The following GABRA2 variants were observed in gnomAD, a reference collection of about 807,000 sequenced individuals.
The protein encoded by GABRA2 is gamma-aminobutyric acid receptor subunit alpha-2.
GABRA2 carries 16 observed loss-of-function variants against 48.7 expected under a neutral mutation model. That is an observed-to-expected ratio of 0.33 (90% CI 0.22 to 0.50). The LOEUF (loss-of-function observed/expected upper bound fraction) is 0.50. Among genes scored for constraint, GABRA2 ranks in the 20% least tolerant of loss-of-function variants. The pLI, the probability that GABRA2 is intolerant of heterozygous loss-of-function variation, is 0.98. For synonymous variants in GABRA2, 185 were observed against 184.5 expected (o/e 1.00, Z -0.02); for missense variants, 275 against 535.6 (o/e 0.51, Z 4.80).
intron 3 of GABRA2, among the ~76,000 whole-genome samples, chr4:46,360,252 G>C (rs1712951020): frequency 6.6e-6 from 1 of 152,192 alleles, no homozygotes. Flanking sequence ...TAGTTTGGCT[G>C]TTTCCTCACC....
chr4:46,284,346 A>G (rs1378252385), intron 8 of GABRA2, among the ~76,000 whole-genome samples: 2 of 152,326 alleles, frequency 1.3e-5, no homozygotes, highest in African/African-American at 2.4e-5. Context: ...CCTCGAAAGC[A>G]TAACACCTAA....
intron 8 of GABRA2, among the ~76,000 whole-genome samples, chr4:46,284,425 T>C (rs994744513): frequency 7.2e-5 from 11 of 152,222 alleles, no homozygotes; most frequent in Admixed American, 6.5e-4. Context: ...TGAAGGGAGC[T>C]GGGCTTACTT....
intron 8 of GABRA2, among the ~76,000 whole-genome samples, chr4:46,286,264 T>C (rs1047051033): frequency 6.6e-6 from 1 of 152,118 alleles, no homozygotes; most frequent in African/African-American, 2.4e-5. Flanking sequence ...TTCATCCAGG[T>C]TGTAGCATAT....
chr4:46,360,348 GT>G (rs1055531504), intron 3 of GABRA2, among the ~76,000 whole-genome samples: 1 of 152,186 alleles, frequency 6.6e-6, no homozygotes, highest in African/African-American at 2.4e-5. Context: ...ATGAGGGTGG[GT>G]TTTTCCCATG....
At chr4:46,366,865 A>C (rs1461801754) in intron 3 of GABRA2, 1 of 152,076 alleles carries the variant, frequency 6.6e-6, no homozygotes, top group Non-Finnish European at 1.5e-5. Context: ...TATGCTTTTC[A>C]GGCTTTTAAA....
intron 5 of GABRA2, among the ~76,000 whole-genome samples, chr4:46,310,516 A>T (rs1465239326): frequency 6.6e-6 from 1 of 152,200 alleles, no homozygotes; most frequent in Non-Finnish European, 1.5e-5. Context: ...AAGAAATTAC[A>T]TATGCATTTT....
intron 3 of GABRA2, among the ~76,000 whole-genome samples, chr4:46,377,945 G>T (rs1288016993): frequency 6.6e-6 from 1 of 151,404 alleles, no homozygotes; most frequent in East Asian, 2.0e-4. Context: ...GAAGTGAGGA[G>T]CCCCTCTGCC....
In GABRA2 at chr4:46,262,260, G is replaced by T. The variant is rs577514775; in HGVS notation, c.857-132C>A. 28 of 581,068 alleles carry T rather than the reference G, an allele frequency of 4.8e-5. No individual in the cohort carries two copies. In the East Asian group the frequency reaches 7.5e-4, roughly 16 times the overall value. 36.0% of individuals were successfully genotyped at this position (581,068 alleles called of 1,614,324 possible). ...ATCCACTAAATAATAATAAATAAAT[G>T]AATAAATACTGGAATTTATATTAAA... On this transcript the variant is annotated intron_variant, in intron 8 of 9. Transcript: ENST00000381620.
At chr4:46,361,835 T>A (rs1214744739) in intron 3 of GABRA2, among the ~76,000 whole-genome samples, 1 of 152,096 alleles carries the variant, frequency 6.6e-6, no homozygotes, top group South Asian at 2.1e-4. Flanking sequence ...AGACATAGAG[T>A]CAAAGGAGAT....
chr4:46,273,483 GCATATA>G (rs1719799029), intron 8 of GABRA2, among the ~76,000 whole-genome samples: 1 of 16,196 alleles, frequency 6.2e-5, no homozygotes, highest in Non-Finnish European at 1.2e-4. Context: ...ATATATATAT[GCATATA>G]TATATATATA....
In GABRA2 at chr4:46,250,025, A is replaced by G. The variant is rs1714419475; in HGVS notation, c.*283T>C. 6.7e-6 allele frequency: 2 copies of G among 297,722 alleles called. No homozygotes were observed. Among genetic ancestry groups the G allele is most frequent in the Non-Finnish European group, 1.2e-5 (2 of 160,050 alleles). The allele number at this position is 297,722 out of a possible 1,614,324, so 18.4% of individuals were successfully genotyped here. A position where few individuals can be genotyped will look rare whatever the true frequency, so the allele number is the denominator to read the frequency against. ...GGATCCCCATTTTCATCTCATTTGG[A>G]AGAATAGGAAATTAATCAGGTCACT... On this transcript the variant is annotated 3_prime_UTR_variant, in exon 10 of 10. Transcript: ENST00000381620.
chr4:46,270,029 A>G (rs1719024420), intron 8 of GABRA2, among the ~76,000 whole-genome samples: 1 of 151,976 alleles, frequency 6.6e-6, no homozygotes, highest in African/African-American at 2.4e-5. Flanking sequence ...TTACAATAAA[A>G]TGTAAGCCCA....
intron 8 of GABRA2, among the ~76,000 whole-genome samples, chr4:46,279,138 T>G (rs1721041425): frequency 6.6e-6 from 1 of 152,076 alleles, no homozygotes; most frequent in Non-Finnish European, 1.5e-5. Flanking sequence ...GCTAATCAAT[T>G]GCAATGAGTA....
At chr4:46,305,414 TA>T (rs35011150) in intron 7 of GABRA2, among the ~76,000 whole-genome samples, 153 bp downstream of exon 7, 1,736 of 143,548 alleles carry the variant, frequency 0.012, 11 homozygotes, top group African/African-American at 0.018. Context: ...AAAGTATAAT[TA>T]AAAAAAAAAA....
At chr4:46,311,130 C>G (rs923064470) in intron 5 of GABRA2, among the ~76,000 whole-genome samples, 3 of 152,118 alleles carry the variant, frequency 2.0e-5, no homozygotes, top group Non-Finnish European at 2.9e-5. Flanking sequence ...AAGTTTTACT[C>G]ATTGCCTTAG....
At chr4:46,298,190 G>A (rs1725100345) in intron 8 of GABRA2, among the ~76,000 whole-genome samples, 1 of 152,078 alleles carries the variant, frequency 6.6e-6, no homozygotes, top group Non-Finnish European at 1.5e-5. Flanking sequence ...GTTCATTTGA[G>A]AGGAATGTGT....
chr4:46,273,973 G>A (rs185988299), intron 8 of GABRA2, among the ~76,000 whole-genome samples: 1 of 152,132 alleles, frequency 6.6e-6, no homozygotes, highest in East Asian at 1.9e-4. Flanking sequence ...ATTTCTTTGA[G>A]AGCTTTACTC....
chr4:46,327,082 T>C (rs1730517299), intron 4 of GABRA2, among the ~76,000 whole-genome samples: 1 of 151,956 alleles, frequency 6.6e-6, no homozygotes, highest in South Asian at 2.1e-4. Flanking sequence ...TTGCCTGTAG[T>C]AAAACAGATT....
At chr4:46,299,675 CTT>C (rs200453930) in intron 8 of GABRA2, among the ~76,000 whole-genome samples, 11,496 of 139,326 alleles carry the variant, frequency 0.083, 1,298 homozygotes, top group African/African-American at 0.28. Context: ...GGGTTTCTTT[CTT>C]TTTTTTTTTT....
Sources: gnomAD v4.1 joint callset for allele counts (sites outside exome capture counted in the v4.1 genomes callset) on GRCh38, gnomAD v4.1.1 for gene constraint, MANE v1.5 for transcripts, NCBI Gene and HGNC (gene_info 2026-07-23, HGNC 2026-07-21) for gene names.